Variants in GABRB2 observed in about 807,000 individuals in gnomAD.
The protein encoded by GABRB2 is gamma-aminobutyric acid type A receptor subunit beta2.
GABRB2 carries 16 observed loss-of-function variants against 54.7 expected under a neutral mutation model. That is an observed-to-expected ratio of 0.29 (90% CI 0.20 to 0.44). The LOEUF is 0.44. Ranked by LOEUF, GABRB2 falls within the 20% of genes least tolerant of loss-of-function variation. GABRB2 has a pLI of 1.00. For missense variants in GABRB2, 355 were observed against 644.0 expected (o/e 0.55, Z 4.86); for synonymous variants, 244 against 233.8 (o/e 1.04, Z -0.40).
chr5:161,474,930 A>T (rs1435547174), intron 3 of GABRB2, among the ~76,000 whole-genome samples: 1 of 151,950 alleles, frequency 6.6e-6, no homozygotes, highest in Non-Finnish European at 1.5e-5. Context: ...TCTAATTATA[A>T]TGTCTCTGAG....
intron 3 of GABRB2, among the ~76,000 whole-genome samples, chr5:161,488,166 C>A (rs556682702): frequency 6.6e-6 from 1 of 151,490 alleles, no homozygotes; most frequent in South Asian, 2.1e-4. Flanking sequence ...AAGTGGAGGA[C>A]CCTAGAGAGA....
chr5:161,322,605 T>C (rs1013328383), intron 9 of GABRB2, among the ~76,000 whole-genome samples: 4 of 152,198 alleles, frequency 2.6e-5, no homozygotes, highest in Admixed American at 2.6e-4. Flanking sequence ...TTTTTTTCTA[T>C]TCCATTTTTT....
intron 4 of GABRB2, among the ~76,000 whole-genome samples, chr5:161,430,895 T>C (rs940397011): frequency 3.3e-5 from 5 of 152,156 alleles, no homozygotes; most frequent in Admixed American, 3.3e-4. Flanking sequence ...ATGGTATTGT[T>C]AAGACAAATT....
chr5:161,478,405 T>C (rs1758658778), intron 3 of GABRB2, among the ~76,000 whole-genome samples: 1 of 152,054 alleles, frequency 6.6e-6, no homozygotes, highest in Non-Finnish European at 1.5e-5. Flanking sequence ...ATATGGTAAA[T>C]CTGATGTTGG....
chr5:161,521,515 A>G (rs570214097), intron 3 of GABRB2, among the ~76,000 whole-genome samples: 42 of 152,100 alleles, frequency 2.8e-4, no homozygotes, highest in Non-Finnish European at 5.0e-4. Context: ...GGAAAGGATG[A>G]GGAAAGAAAG....
intron 4 of GABRB2, among the ~76,000 whole-genome samples, chr5:161,457,448 CTTT>C (rs199690111): frequency 1.4e-5 from 2 of 139,490 alleles, no homozygotes; most frequent in Admixed American, 7.2e-5. Flanking sequence ...CCTCTCAATT[CTTT>C]TTTTTTTTTT....
intron 3 of GABRB2, among the ~76,000 whole-genome samples, chr5:161,514,063 A>G (rs1008337610): frequency 6.6e-6 from 1 of 152,184 alleles, no homozygotes; most frequent in Non-Finnish European, 1.5e-5. Flanking sequence ...TACTCTTCCC[A>G]TGCCAAAAAT....
Position 161,546,572 on chromosome 5 carries a change from C to T in GABRB2, c.72G>A (p.Ala24=), listed in dbSNP as rs776799573. The T allele has an allele frequency of 1.3e-6, 2 of 1,596,924 alleles. No homozygotes were observed. Among genetic ancestry groups the T allele is most frequent in the Non-Finnish European group, 8.5e-7 (1 of 1,170,554 alleles). ...SFPLIIAAVC[A]QSVNDPSNMS... is the part of the protein sequence containing the mutation. ...GAAACGCTGGGCACACTTACCTCTGCGCACAGACAGCGGCGATTATTAAGG... is the reference window on the plus strand; with the variant it reads ...GAAACGCTGGGCACACTTACCTCTGTGCACAGACAGCGGCGATTATTAAGG... The change falls in exon 1 of 10, where the codon GCG becomes GCA. Residue 24 remains alanine, a synonymous_variant. Transcript: ENST00000393959.
At chr5:161,439,484 G>A (rs1266702729) in intron 4 of GABRB2, among the ~76,000 whole-genome samples, 1 of 151,868 alleles carries the variant, frequency 6.6e-6, no homozygotes. Context: ...ATAATAGAAA[G>A]TACAAAGAAA....
At chr5:161,472,784 C>T (rs1394278861) in intron 3 of GABRB2, among the ~76,000 whole-genome samples, 1 of 151,808 alleles carries the variant, frequency 6.6e-6, no homozygotes, top group African/African-American at 2.4e-5. Context: ...AGAAATATGT[C>T]CAACAAACTA....
chr5:161,506,534 A>G (rs1348441050), intron 3 of GABRB2, among the ~76,000 whole-genome samples: 3 of 152,190 alleles, frequency 2.0e-5, no homozygotes, highest in African/African-American at 7.2e-5. Context: ...TGTTTTTGTA[A>G]ATTACATTTC....
chr5:161,368,932 T>C (rs1384296603), intron 5 of GABRB2, among the ~76,000 whole-genome samples: 5 of 152,312 alleles, frequency 3.3e-5, no homozygotes, highest in Admixed American at 2.6e-4. Context: ...AGCTAAATGT[T>C]TGATGGTATA....
At chr5:161,431,249 C>T (rs1197434136) in intron 4 of GABRB2, among the ~76,000 whole-genome samples, 1 of 152,082 alleles carries the variant, frequency 6.6e-6, no homozygotes, top group Non-Finnish European at 1.5e-5. Context: ...TTAGAACAAT[C>T]ATTTGCAAAT....
intron 5 of GABRB2, among the ~76,000 whole-genome samples, chr5:161,352,283 C>A (rs1164747700): frequency 5.9e-5 from 9 of 151,480 alleles, no homozygotes; most frequent in African/African-American, 1.9e-4. Flanking sequence ...TTTATAATAG[C>A]CAAGATATAA....
Position 161,294,132 on chromosome 5 carries a change from T to C in GABRB2, c.1488A>G (p.Pro496=). The change falls in exon 10 of 10, where the codon CCA becomes CCG. Residue 496 remains proline, a synonymous_variant. Transcript: ENST00000393959. ...AIDRWSRIFF[P]VVFSFFNIVY... ...CGATGTTGAAGAAGGAAAAAACCACTGGGAAGAATATGCGGGACCACCGAT... is the reference window on the plus strand; with the variant it reads ...CGATGTTGAAGAAGGAAAAAACCACCGGGAAGAATATGCGGGACCACCGAT... 6.2e-7 allele frequency: 1 copy of C among 1,614,000 alleles called. No individual in the cohort carries two copies.
At chr5:161,527,274 ACTAT>A (rs1760311301) in intron 3 of GABRB2, among the ~76,000 whole-genome samples, 1 of 151,466 alleles carries the variant, frequency 6.6e-6, no homozygotes, top group Non-Finnish European at 1.5e-5. Flanking sequence ...TATTATTACA[ACTAT>A]CTGTCAATCA....
intron 5 of GABRB2, among the ~76,000 whole-genome samples, chr5:161,346,472 G>A (rs1754321220): frequency 6.6e-6 from 1 of 152,130 alleles, no homozygotes; most frequent in South Asian, 2.1e-4. Context: ...AGTGTCAACT[G>A]TTACACCAAC....
intron 9 of GABRB2, among the ~76,000 whole-genome samples, chr5:161,308,867 C>A (rs1561602062): frequency 6.6e-6 from 1 of 152,138 alleles, no homozygotes; most frequent in Non-Finnish European, 1.5e-5. Context: ...TAACTCAAGA[C>A]AGATTAAAGA....
At chr5:161,304,685 G>GT (rs11296794) in intron 9 of GABRB2, among the ~76,000 whole-genome samples, 25 of 148,194 alleles carry the variant, frequency 1.7e-4, no homozygotes, top group Admixed American at 2.0e-4. Context: ...TCACTGATTT[G>GT]TTTTTTTTTT....
Sources: allele counts gnomAD v4.1 joint callset (sites outside exome capture counted in the v4.1 genomes callset), GRCh38; gene constraint gnomAD v4.1.1; transcripts MANE v1.5; gene names NCBI Gene and HGNC (gene_info 2026-07-23, HGNC 2026-07-21).